RCC1L: variants seen among roughly 807,000 people sequenced by gnomAD.
RCC1L encodes RCC1-like G exchanging factor-like protein.
RCC1L carries 46 observed loss-of-function variants against 58.6 expected under a neutral mutation model. The ratio of observed to expected loss-of-function variants is 0.79; its 90% CI spans 0.62 to 1.00. The LOEUF (loss-of-function observed/expected upper bound fraction) is 1.00. Ranked by LOEUF, RCC1L falls within the 50% of genes least tolerant of loss-of-function variation. The pLI, the probability that RCC1L is intolerant of heterozygous loss-of-function variation, is 0.00. For missense variants in RCC1L, 636 were observed against 623.6 expected (o/e 1.02, Z -0.21); for synonymous variants, 281 against 262.9 (o/e 1.07, Z -0.67).
In RCC1L at chr7:75,042,893, T is replaced by TC; in HGVS notation, c.*138dup. 1 of 1,511,818 alleles carries TC rather than the reference T, an allele frequency of 6.6e-7. No individual in the cohort carries two copies. The highest frequency in any genetic ancestry group is 8.9e-7 in the Non-Finnish European group (1 of 1,125,102). 93.7% of individuals were successfully genotyped at this position (1,511,818 alleles called of 1,614,324 possible). A position where few individuals can be genotyped will look rare whatever the true frequency, so the allele number is the denominator to read the frequency against. On this transcript the variant is annotated 3_prime_UTR_variant, in exon 11 of 11. Transcript: ENST00000610322. ...TCCTGGTAGGTACCCGCTAAGGGATTCAGGACAGAGCGTCACACTGCACGC... is the reference window on the plus strand; with the variant it reads ...TCCTGGTAGGTACCCGCTAAGGGATTCCAGGACAGAGCGTCACACTGCACGC...
At chr7:75,073,122 C>T (rs1330071444) in intron 1 of RCC1L, among the ~76,000 whole-genome samples, 2 of 152,210 alleles carry the variant, frequency 1.3e-5, no homozygotes, top group Non-Finnish European at 2.9e-5. Context: ...GGCCTCGGGC[C>T]TCAACCTCTC....
intron 10 of RCC1L, among the ~76,000 whole-genome samples, chr7:75,037,175 T>A (rs1371445933): frequency 1.8e-4 from 27 of 152,164 alleles, no homozygotes; most frequent in Non-Finnish European, 3.8e-4. Flanking sequence ...TTTATCCATT[T>A]ATTTATTTAC....
At chr7:75,065,017 A>G (rs1806416534) in intron 3 of RCC1L, among the ~76,000 whole-genome samples, 1 of 151,996 alleles carries the variant, frequency 6.6e-6, no homozygotes, top group Admixed American at 6.6e-5. Flanking sequence ...CCAGTCGTCA[A>G]CTGTCTGGGA....
chr7:75,056,678 C>T, intron 8 of RCC1L: 2 of 1,535,382 alleles, frequency 1.3e-6, no homozygotes, highest in Non-Finnish European at 1.7e-6. Context: ...GTTCGCTCTC[C>T]ACTCCAGAGG....
intron 8 of RCC1L, chr7:75,056,738 G>T (rs960442731): frequency 6.5e-7 from 1 of 1,534,578 alleles, no homozygotes; most frequent in East Asian, 2.4e-5. Context: ...CAGATAAATC[G>T]CAGACTATTC....
chr7:75,066,717 A>T lies in RCC1L; in HGVS notation c.530T>A (p.Leu177Gln). The T allele has an allele frequency of 6.2e-7, 1 of 1,613,646 alleles. No individual in the cohort carries two copies. Among genetic ancestry groups the T allele is most frequent in the East Asian group, 2.2e-5 (1 of 44,856 alleles). ...PLDRPQETRV[L>Q]QVSCGRAHSL... ...GTGAGCTCGGCCGCAGGAGACCTGC[A>T]GCACCCGTGTCTCCTGAGGTCTGTC... The change falls in exon 3 of 11, where the codon CTG (leucine) becomes CAG (glutamine). Residue 177 changes from leucine (L) to glutamine (Q), a missense_variant. Leu to Gln is a moderately radical substitution (Grantham distance 113). Coordinates refer to ENST00000610322, the MANE Select transcript of RCC1L (RefSeq NM_030798.5).
At chr7:75,051,174 A>G (rs1430845847) in intron 10 of RCC1L, among the ~76,000 whole-genome samples, 1 of 114,334 alleles carries the variant, frequency 8.7e-6, no homozygotes, top group East Asian at 2.0e-4. Flanking sequence ...ATAGTCTTGG[A>G]AAAAATATAT....
chr7:75,071,567 G>T (rs782358340), intron 1 of RCC1L, among the ~76,000 whole-genome samples: 2 of 152,158 alleles, frequency 1.3e-5, no homozygotes, highest in Non-Finnish European at 2.9e-5. Context: ...TTGAACCTGG[G>T]AGGCAGAGGT....
At chr7:75,052,603 A>G in intron 10 of RCC1L, 108 bp downstream of exon 10, 2 of 1,004,236 alleles carry the variant, frequency 2.0e-6, no homozygotes, top group East Asian at 2.6e-5. Context: ...AAGGGGGAGC[A>G]GGTCCCATGG....
At chr7:75,037,876 A>G (rs1277245818), downstream of RCC1L, among the ~76,000 whole-genome samples, 2 of 152,356 alleles carry the variant, frequency 1.3e-5, no homozygotes, top group African/African-American at 4.8e-5. Flanking sequence ...CAAGAAAAGC[A>G]CAGCTATCAG....
intron 2 of RCC1L, among the ~76,000 whole-genome samples, chr7:75,069,001 T>C (rs1806619804): frequency 6.6e-6 from 1 of 151,744 alleles, no homozygotes. Context: ...CCCGAATAGC[T>C]GGGATTACAG....
chr7:75,056,101 G>A (rs782123998), intron 8 of RCC1L, 27 bp from the exon 9 acceptor site: 2 of 1,613,592 alleles, frequency 1.2e-6, no homozygotes, highest in Non-Finnish European at 1.7e-6. Flanking sequence ...ACAAGGGTCA[G>A]TAAGTCCATC....
At chr7:75,053,271 A>G (rs1554443560) in intron 9 of RCC1L, among the ~76,000 whole-genome samples, 1 of 115,938 alleles carries the variant, frequency 8.6e-6, no homozygotes, top group East Asian at 2.3e-4. Flanking sequence ...TGGTGCATGG[A>G]GCTGGGGTCT....
At chr7:75,044,599 GAAAAAAAA>G (rs1169350324) in intron 10 of RCC1L, among the ~76,000 whole-genome samples, 3 of 40,674 alleles carry the variant, frequency 7.4e-5, no homozygotes, top group Admixed American at 4.1e-4. Flanking sequence ...ACTCTGTCTC[GAAAAAAAA>G]AAAAAAAAAA....
chr7:75,068,516 G>A (rs1301791813), intron 2 of RCC1L, among the ~76,000 whole-genome samples: 23 of 151,962 alleles, frequency 1.5e-4, no homozygotes, highest in African/African-American at 4.6e-4. Context: ...TGAAACCCCC[G>A]TCTCTACTAA....
chr7:75,030,838 G>T (rs1415004889), intron 10 of RCC1L, among the ~76,000 whole-genome samples: 1 of 152,138 alleles, frequency 6.6e-6, no homozygotes, highest in African/African-American at 2.4e-5. Context: ...CTCTTCAAAG[G>T]CATCCCATCC....
intron 10 of RCC1L, among the ~76,000 whole-genome samples, chr7:75,047,921 A>G (rs1228426537): frequency 1.4e-5 from 2 of 141,592 alleles, no homozygotes; most frequent in Non-Finnish European, 3.1e-5. Flanking sequence ...CTGGGATTAT[A>G]GAGATGAGCC....
At chr7:75,070,333 G>A (rs1806674921) in intron 2 of RCC1L, among the ~76,000 whole-genome samples, 1 of 152,130 alleles carries the variant, frequency 6.6e-6, no homozygotes, top group Non-Finnish European at 1.5e-5. Flanking sequence ...CACTTTGGGA[G>A]GCTGAGGAGG....
Position 75,043,011 on chromosome 7 carries a change from G to A in RCC1L, c.*21C>T, listed in dbSNP as rs1805611794. On this transcript the variant is annotated 3_prime_UTR_variant, in exon 11 of 11. Transcript: ENST00000610322. Reference sequence around the variant, plus strand: ...TGCCAGTGGTTCCCGGGACGGGGCCGCCCAAGCAGGTGAGGGAGGTTTAGA... The same window carrying A: ...TGCCAGTGGTTCCCGGGACGGGGCCACCCAAGCAGGTGAGGGAGGTTTAGA... 17 of 1,613,906 alleles carry A rather than the reference G, an allele frequency of 1.1e-5. No individual in the cohort carries two copies. Among genetic ancestry groups the A allele is most frequent in the Admixed American group, 6.7e-5 (4 of 59,994 alleles).
Sources: allele counts gnomAD v4.1 joint callset (sites outside exome capture counted in the v4.1 genomes callset), GRCh38; gene constraint gnomAD v4.1.1; transcripts MANE v1.5; gene names NCBI Gene and HGNC (gene_info 2026-07-23, HGNC 2026-07-21).